The following EBF2 variants were observed in gnomAD, a reference collection of about 807,000 sequenced individuals.
The protein encoded by EBF2 is EBF transcription factor 2.
EBF2 carries 21 observed loss-of-function variants against 72.8 expected under a neutral mutation model. The observed-to-expected ratio is 0.29, with a 90% CI of 0.20 to 0.42. The LOEUF (loss-of-function observed/expected upper bound fraction) is 0.42. Ranked by LOEUF, EBF2 falls within the 10% of genes least tolerant of loss-of-function variation. The probability of loss-of-function intolerance (pLI) is 1.00; values close to 1 mark genes in which losing one functional copy is unlikely to be tolerated. For synonymous variants in EBF2, 299 were observed against 274.2 expected (o/e 1.09, Z -0.89); for missense variants, 637 against 731.2 (o/e 0.87, Z 1.49).
At chr8:25,925,833 A>G (rs914321958) in intron 6 of EBF2, among the ~76,000 whole-genome samples, 5 of 152,130 alleles carry the variant, frequency 3.3e-5, no homozygotes, top group African/African-American at 1.2e-4. Flanking sequence ...CATTTTCATA[A>G]TAGGAAGATT....
intron 15 of EBF2, among the ~76,000 whole-genome samples, chr8:25,848,690 T>C (rs919972601): frequency 1.3e-5 from 2 of 152,102 alleles, no homozygotes; most frequent in Non-Finnish European, 2.9e-5. Context: ...CAAGTATCCT[T>C]TTTTCCTTTA....
At chr8:25,961,591 G>C (rs1462365798) in intron 6 of EBF2, among the ~76,000 whole-genome samples, 1 of 152,078 alleles carries the variant, frequency 6.6e-6, no homozygotes, top group Non-Finnish European at 1.5e-5. Flanking sequence ...TTGAACTCTT[G>C]ACCTTATGAT....
At chr8:25,859,155 GA>G (rs1802160450) in intron 13 of EBF2, among the ~76,000 whole-genome samples, 1 of 152,160 alleles carries the variant, frequency 6.6e-6, no homozygotes. Flanking sequence ...GTGTCACTGA[GA>G]AAACATTCTG....
chr8:25,962,544 TA>T lies in EBF2; in HGVS notation c.552-53990del, dbSNP rs542805714. On this transcript the variant is annotated intron_variant, in intron 6 of 15. Coordinates refer to ENST00000520164, the MANE Select transcript of EBF2 (RefSeq NM_022659.4). ...TGGATCCACACAGCCTGACCAAAAT[TA>T]AAAAAAAAAAAAATCCTGCAAGTGT... Among the ~76,000 whole-genome samples, 773 of 142,966 alleles carry T rather than the reference TA, an allele frequency of 5.4e-3. 2 individuals are homozygous for T. The highest frequency in any genetic ancestry group is 7.1e-3 in the Middle Eastern group (2 of 282). The allele number at this position is 142,966 out of a possible 152,430, so 93.8% of individuals were successfully genotyped here. A position where few individuals can be genotyped will look rare whatever the true frequency, so the allele number is the denominator to read the frequency against.
intron 10 of EBF2, among the ~76,000 whole-genome samples, chr8:25,880,471 A>T (rs577804265): frequency 8.5e-5 from 13 of 152,288 alleles, no homozygotes; most frequent in African/African-American, 3.1e-4. Flanking sequence ...GGCCCAACAC[A>T]TTTGTTAAGC....
At chr8:25,971,331 A>G (rs777551545) in intron 6 of EBF2, among the ~76,000 whole-genome samples, 1 of 151,086 alleles carries the variant, frequency 6.6e-6, no homozygotes, top group African/African-American at 2.4e-5. Context: ...GTTCAGAGAC[A>G]TCGTGGGCAA....
intron 7 of EBF2, among the ~76,000 whole-genome samples, chr8:25,902,473 T>C (rs1387302050): frequency 1.3e-5 from 2 of 152,032 alleles, no homozygotes; most frequent in Admixed American, 1.3e-4. Context: ...TTTCCTTTTT[T>C]CTTTTGCTCT....
chr8:25,986,904 T>C (rs7005435), intron 6 of EBF2, among the ~76,000 whole-genome samples: 66,138 of 151,862 alleles, frequency 0.44, 14,721 homozygotes, highest in Middle Eastern at 0.51. Context: ...GGACAAAGGC[T>C]CTGCCAAAGG....
At chr8:25,914,827 G>A (rs1452599658) in intron 6 of EBF2, among the ~76,000 whole-genome samples, 1 of 152,130 alleles carries the variant, frequency 6.6e-6, no homozygotes, top group African/African-American at 2.4e-5. Flanking sequence ...AACAGAAGAG[G>A]TATAGAATCT....
chr8:25,923,250 GC>G, intron 6 of EBF2, among the ~76,000 whole-genome samples: 1 of 152,204 alleles, frequency 6.6e-6, no homozygotes, highest in Admixed American at 6.5e-5. Flanking sequence ...CCCAGAAATG[GC>G]CCAGAGAGTC....
intron 14 of EBF2, chr8:25,858,106 C>A (rs1802131546): frequency 2.9e-6 from 2 of 695,628 alleles, no homozygotes; most frequent in Non-Finnish European, 2.6e-6. Flanking sequence ...TGTTTCAATC[C>A]TTTTCTTTCC....
chr8:25,942,782 C>T (rs935979704), intron 6 of EBF2, among the ~76,000 whole-genome samples: 55 of 152,290 alleles, frequency 3.6e-4, no homozygotes, highest in Non-Finnish European at 3.2e-4. Flanking sequence ...TTCCTGCGGG[C>T]TCGCCTACCT....
At chr8:25,850,176 G>C (rs1018679848) in intron 15 of EBF2, among the ~76,000 whole-genome samples, 1 of 152,122 alleles carries the variant, frequency 6.6e-6, no homozygotes, top group Non-Finnish European at 1.5e-5. Context: ...GCAATGGCGC[G>C]ATCTCAGCTT....
intron 6 of EBF2, among the ~76,000 whole-genome samples, chr8:25,935,250 T>G: frequency 1.3e-5 from 2 of 151,004 alleles, no homozygotes; most frequent in African/African-American, 4.9e-5. Flanking sequence ...GAGAGGGAGG[T>G]GGGATTGGAA....
At chr8:25,944,858 T>C (rs1400717278) in intron 6 of EBF2, among the ~76,000 whole-genome samples, 3 of 151,782 alleles carry the variant, frequency 2.0e-5, no homozygotes, top group African/African-American at 7.3e-5. Context: ...GATTTAATTA[T>C]TACATGCAGT....
At chr8:26,014,772 A>G (rs778631806) in intron 6 of EBF2, among the ~76,000 whole-genome samples, 6 of 152,194 alleles carry the variant, frequency 3.9e-5, no homozygotes, top group Non-Finnish European at 8.8e-5. Flanking sequence ...ATAGGTTGAC[A>G]TATTTCCCTG....
chr8:25,978,983 C>G (rs1402981091), intron 6 of EBF2, among the ~76,000 whole-genome samples: 1 of 152,164 alleles, frequency 6.6e-6, no homozygotes, highest in African/African-American at 2.4e-5. Context: ...CTGCTCAAAC[C>G]ACGCAGCACC....
At chr8:25,953,550 T>A in intron 6 of EBF2, among the ~76,000 whole-genome samples, 1 of 152,278 alleles carries the variant, frequency 6.6e-6, no homozygotes, top group African/African-American at 2.4e-5. Flanking sequence ...TCCAGTCCCA[T>A]ACCGCAGAGG....
rs140303795 is a variant in EBF2 at position 26,011,729 on chromosome 8, C to T, written c.551+21356G>A. 5.7e-3 allele frequency among the ~76,000 whole-genome samples: 867 copies of T among 152,232 alleles called. 17 individuals carry two copies. Among genetic ancestry groups the T allele is most frequent in the South Asian group, 0.026 (126 of 4,818 alleles). On this transcript the variant is annotated intron_variant, in intron 6 of 15. Coordinates refer to ENST00000520164, the MANE Select transcript of EBF2 (RefSeq NM_022659.4). ...AAATCAAGTCCTCATTCACTGCTAC[C>T]GCTCTGTGGTGCCCCTCCCTGCTAT...
Sources: gnomAD v4.1 joint callset for allele counts (sites outside exome capture counted in the v4.1 genomes callset) on GRCh38, gnomAD v4.1.1 for gene constraint, MANE v1.5 for transcripts, NCBI Gene and HGNC (gene_info 2026-07-23, HGNC 2026-07-21) for gene names.